Variants in MAML3 observed in about 807,000 individuals in gnomAD.
The protein encoded by MAML3 is mastermind-like protein 3.
A neutral mutation model predicts 101.9 loss-of-function variants in MAML3; 27 were observed. The ratio of observed to expected loss-of-function variants is 0.27; its 90% CI spans 0.20 to 0.37. The LOEUF (loss-of-function observed/expected upper bound fraction) is 0.37. MAML3 is among the 10% of genes least tolerant of loss of function. The probability of loss-of-function intolerance (pLI) is 1.00; values close to 1 mark genes in which losing one functional copy is unlikely to be tolerated. For synonymous variants in MAML3, 501 were observed against 555.9 expected, an observed-to-expected ratio of 0.90 and a Z score of 1.39; for missense variants, 1,316 against 1,444.9, an observed-to-expected ratio of 0.91 and a Z score of 1.45.
chr4:139,789,021 C>T (rs2111088574), intron 2 of MAML3, among the ~76,000 whole-genome samples: 1 of 152,336 alleles, frequency 6.6e-6, no homozygotes. Flanking sequence ...TTTACTGATA[C>T]AGAAAGACTT....
At chr4:140,092,120 G>GTATATA (rs59773240) in intron 1 of MAML3, among the ~76,000 whole-genome samples, 4 of 134,154 alleles carry the variant, frequency 3.0e-5, no homozygotes, top group African/African-American at 8.5e-5. Context: ...ATATATATAC[G>GTATATA]TATATATATA....
At chr4:139,808,399 A>G (rs1730737124) in intron 2 of MAML3, among the ~76,000 whole-genome samples, 1 of 152,232 alleles carries the variant, frequency 6.6e-6, no homozygotes, top group Non-Finnish European at 1.5e-5. Flanking sequence ...TACCACTTCT[A>G]AGTCCTGTTA....
At chr4:139,834,886 G>A (rs1484592202) in intron 2 of MAML3, among the ~76,000 whole-genome samples, 2 of 152,296 alleles carry the variant, frequency 1.3e-5, no homozygotes, top group Non-Finnish European at 2.9e-5. Flanking sequence ...GGTATGAACC[G>A]TGAAATAGGC....
chr4:139,738,107 C>T (rs985490467), intron 2 of MAML3, among the ~76,000 whole-genome samples: 2 of 152,228 alleles, frequency 1.3e-5, no homozygotes, highest in African/African-American at 4.8e-5. Context: ...CACCATGGGC[C>T]CAGTGACTGG....
At chr4:140,093,573 C>T (rs1463210701) in intron 1 of MAML3, among the ~76,000 whole-genome samples, 5 of 151,900 alleles carry the variant, frequency 3.3e-5, no homozygotes, top group Admixed American at 6.6e-5. Flanking sequence ...CCCGCCACCA[C>T]GCCCTGCTAA....
At position 139,892,794 on chromosome 4, in the gene MAML3, G is replaced by A. The variant is rs143213369; in HGVS notation, c.469-1827C>T. Among the ~76,000 whole-genome samples the A allele has an allele frequency of 5.9e-4, 90 of 152,126 alleles. 1 individual carries two copies. The East Asian group carries it at 0.015, about 26-fold the overall frequency. On this transcript the variant is annotated intron_variant, in intron 1 of 4. Coordinates refer to ENST00000509479, the MANE Select transcript of MAML3 (RefSeq NM_018717.5). Reference sequence around the variant, plus strand: ...AAAATTCAAAAAATTAGCCGGGCGTGGTGGCGGGCGCCTTTAGTCCCAGCT... The same window carrying A: ...AAAATTCAAAAAATTAGCCGGGCGTAGTGGCGGGCGCCTTTAGTCCCAGCT...
chr4:139,828,892 G>C (rs1045214296), intron 2 of MAML3, among the ~76,000 whole-genome samples: 3 of 151,842 alleles, frequency 2.0e-5, no homozygotes, highest in Non-Finnish European at 4.4e-5. Flanking sequence ...TTCCACGCTT[G>C]AGCCCAGGAG....
intron 2 of MAML3, among the ~76,000 whole-genome samples, chr4:139,790,150 G>A (rs1053670434): frequency 1.1e-4 from 16 of 149,038 alleles, no homozygotes; most frequent in African/African-American, 4.0e-4. Context: ...GAAACAGGTA[G>A]GGGTCACCGA....
chr4:139,810,655 T>C (rs1730780254), intron 2 of MAML3, among the ~76,000 whole-genome samples: 2 of 152,214 alleles, frequency 1.3e-5, no homozygotes, highest in African/African-American at 2.4e-5. Flanking sequence ...GGTATATATC[T>C]TCTAAATATT....
intron 2 of MAML3, among the ~76,000 whole-genome samples, chr4:139,772,714 G>A (rs6815550): frequency 0.69 from 105,044 of 151,594 alleles, 37,251 homozygotes; most frequent in East Asian, 0.89. Flanking sequence ...GAACTTCCCA[G>A]ACGTAAAATG....
intron 1 of MAML3, among the ~76,000 whole-genome samples, chr4:139,971,521 T>G (rs1169763540): frequency 2.0e-5 from 3 of 152,246 alleles, no homozygotes; most frequent in Non-Finnish European, 4.4e-5. Context: ...TGCCTTGTGC[T>G]TCATAATATA....
At chr4:140,054,341 C>T (rs1159843924) in intron 1 of MAML3, among the ~76,000 whole-genome samples, 1 of 148,854 alleles carries the variant, frequency 6.7e-6, no homozygotes, top group Non-Finnish European at 1.5e-5. Context: ...TGCACTGCGA[C>T]CTGGGCAACA....
intron 1 of MAML3, among the ~76,000 whole-genome samples, chr4:140,145,097 C>A (rs894472261): frequency 6.6e-6 from 1 of 152,192 alleles, no homozygotes; most frequent in African/African-American, 2.4e-5. Context: ...AGCACTTCGG[C>A]CTTTTCCTTT....
At position 139,862,965 on chromosome 4, in the gene MAML3, C is replaced by T. The variant is rs564334053; in HGVS notation, c.2079+26392G>A. On this transcript the variant is annotated intron_variant, in intron 2 of 4. Transcript: ENST00000509479. ...TAATAATAGAGATAACCCTGGCCAA[C>T]ATGGTGAAACCCTGTCTCTACTAAA... is the stretch of plus-strand genomic sequence containing the variant. Among the ~76,000 whole-genome samples, 7 of 152,158 alleles carry T rather than the reference C, an allele frequency of 4.6e-5. No homozygotes were observed. The South Asian group carries it at 1.2e-3, about 27-fold the overall frequency.
intron 2 of MAML3, among the ~76,000 whole-genome samples, chr4:139,764,977 A>T (rs1336686067): frequency 6.6e-6 from 1 of 152,196 alleles, no homozygotes; most frequent in Non-Finnish European, 1.5e-5. Flanking sequence ...GACAGAGGTG[A>T]GCCCAGCCTC....
intron 1 of MAML3, among the ~76,000 whole-genome samples, chr4:140,020,557 G>C (rs1413574647): frequency 6.6e-6 from 1 of 152,140 alleles, no homozygotes; most frequent in African/African-American, 2.4e-5. Flanking sequence ...ACAGAATAAA[G>C]AGAAAAAGTA....
intron 2 of MAML3, among the ~76,000 whole-genome samples, chr4:139,846,502 C>T (rs891625481): frequency 1.3e-5 from 2 of 152,060 alleles, no homozygotes; most frequent in African/African-American, 2.4e-5. Context: ...CGTGCACCAC[C>T]ACACCAGGAT....
At chr4:139,801,554 G>T (rs1000079998) in intron 2 of MAML3, among the ~76,000 whole-genome samples, 4 of 152,124 alleles carry the variant, frequency 2.6e-5, no homozygotes, top group South Asian at 2.1e-4. Context: ...ATATCCTAGT[G>T]AAGATGGCAA....
In MAML3 at chr4:139,890,319, A is replaced by G. The variant is rs1426404860; in HGVS notation, c.1117T>C (p.Ser373Pro). ...GAAGAAGAAGGCCTCGCCTGGGGAG[A>G]TCCCATGGAGACATGTGCGAAGGGA... ...HSPFAHVSMG[S>P]PQARPSSSGP... The change falls in exon 2 of 5, where the codon TCT (serine) becomes CCT (proline). Residue 373 changes from serine (S) to proline (P), a missense_variant. Transcript: ENST00000509479. The surrounding 1 kb of genome is among the most constrained non-coding windows in gnomAD (Gnocchi z 4.1). The G allele has an allele frequency of 2.5e-6, 4 of 1,612,528 alleles. No homozygotes were observed. Among genetic ancestry groups the G allele is most frequent in the Admixed American group, 3.3e-5 (2 of 59,880 alleles).
Sources: gnomAD v4.1 joint callset for allele counts (sites outside exome capture counted in the v4.1 genomes callset) on GRCh38, gnomAD v4.1.1 for gene constraint, Gnocchi (gnomAD v3.1) non-coding constraint, MANE v1.5 for transcripts, NCBI Gene and HGNC (gene_info 2026-07-23, HGNC 2026-07-21) for gene names.